Variants in ICA1 observed in about 807,000 individuals in gnomAD.
The protein encoded by ICA1 is islet cell autoantigen 1.
ICA1 carries 40 observed loss-of-function variants against 71.0 expected under a neutral mutation model. That is an observed-to-expected ratio of 0.56 (90% CI 0.44 to 0.73). ICA1 has a LOEUF of 0.73. ICA1 is among the 30% of genes least tolerant of loss of function. The pLI is 0.00. For missense variants in ICA1, 578 were observed against 576.5 expected (o/e 1.00, Z -0.03); for synonymous variants, 207 against 209.5 (o/e 0.99, Z 0.10).
intron 6 of ICA1, among the ~76,000 whole-genome samples, chr7:8,185,492 T>C (rs1331923883): frequency 6.6e-6 from 1 of 152,110 alleles, no homozygotes; most frequent in Admixed American, 6.5e-5. Context: ...ACCTGGGAGC[T>C]TGATAGAAAT....
chr7:8,206,014 C>A (rs964933357), intron 6 of ICA1, among the ~76,000 whole-genome samples: 3 of 152,152 alleles, frequency 2.0e-5, no homozygotes, highest in Non-Finnish European at 2.9e-5. Context: ...TCCCCCTCCC[C>A]CTTCGTTCTT....
intron 12 of ICA1, among the ~76,000 whole-genome samples, chr7:8,137,745 A>G (rs532549193): frequency 1.1e-4 from 16 of 152,380 alleles, no homozygotes; most frequent in African/African-American, 3.4e-4. Context: ...GGGAAAGCAG[A>G]TATCTGTCCT....
intron 10 of ICA1, among the ~76,000 whole-genome samples, chr7:8,139,551 G>A (rs370205396): frequency 3.2e-4 from 49 of 152,284 alleles, no homozygotes; most frequent in Middle Eastern, 3.4e-3. Flanking sequence ...GGACACAGGG[G>A]TTTCAGGGCA....
chr7:8,242,367 A>C (rs908782696), intron 1 of ICA1, among the ~76,000 whole-genome samples: 5 of 152,156 alleles, frequency 3.3e-5, no homozygotes, highest in Admixed American at 6.5e-5. Context: ...TTGAAACCAA[A>C]GAGAACAAAG....
chr7:8,162,452 C>T (rs1804216471), intron 6 of ICA1, among the ~76,000 whole-genome samples: 1 of 152,178 alleles, frequency 6.6e-6, no homozygotes, highest in African/African-American at 2.4e-5. Context: ...ATTTTGTGCT[C>T]CATGTCTGCT....
intron 6 of ICA1, among the ~76,000 whole-genome samples, chr7:8,217,406 G>A (rs1795733889): frequency 6.6e-6 from 1 of 152,176 alleles, no homozygotes; most frequent in African/African-American, 2.4e-5. Context: ...TCCAACGCAA[G>A]TGATGGTTCT....
intron 6 of ICA1, among the ~76,000 whole-genome samples, chr7:8,211,556 T>G (rs1034932715): frequency 8.5e-5 from 13 of 152,094 alleles, no homozygotes; most frequent in Admixed American, 6.6e-4. Context: ...GTTTACATAG[T>G]GAGCTCTGGA....
chr7:8,140,724 T>C (rs1394711308), intron 10 of ICA1, among the ~76,000 whole-genome samples: 2 of 152,206 alleles, frequency 1.3e-5, no homozygotes, highest in Non-Finnish European at 2.9e-5. Flanking sequence ...CGTGAAGGTG[T>C]ACATGTGTGA....
At chr7:8,206,233 G>C (rs4236407) in intron 6 of ICA1, among the ~76,000 whole-genome samples, 149,407 of 152,262 alleles carry the variant, frequency 0.98, 73,303 homozygotes, top group Middle Eastern at 1. Flanking sequence ...CTGCTATTTG[G>C]TGGATTTCCC....
chr7:8,221,172 C>A lies in ICA1; in HGVS notation c.380+103G>T. 3.4e-6 allele frequency: 5 copies of A among 1,464,122 alleles called. No homozygotes were observed. The Admixed American group carries it at 8.8e-5, about 26-fold the overall frequency. 90.7% of individuals were successfully genotyped at this position (1,464,122 alleles called of 1,614,324 possible). ...TACAGAGCAGCTCCTCAGCCTCAGG[C>A]AAAATCCTTCTAAAGAACACTGTGA... On this transcript the variant is annotated intron_variant, in intron 5 of 13. Transcript: ENST00000402384.
At chr7:8,248,694 C>G (rs963002592) in intron 1 of ICA1, among the ~76,000 whole-genome samples, 6 of 152,102 alleles carry the variant, frequency 3.9e-5, no homozygotes, top group African/African-American at 1.4e-4. Flanking sequence ...CCAGCCTGGG[C>G]AGCAGAGTAA....
chr7:8,165,747 A>C (rs181198326), intron 6 of ICA1, among the ~76,000 whole-genome samples: 2 of 152,350 alleles, frequency 1.3e-5, no homozygotes, highest in East Asian at 3.9e-4. Flanking sequence ...CTGAAAGCCA[A>C]ATCAAGAATG....
chr7:8,117,295 G>T lies in ICA1; in HGVS notation c.1331-3251C>A, dbSNP rs184389088. On this transcript the variant is annotated intron_variant, in intron 13 of 13. Coordinates refer to ENST00000402384, the MANE Select transcript of ICA1 (RefSeq NM_001136020.3). Reference sequence around the variant, plus strand: ...GCAGTGTGAAAACGGCCTAATACACGTTGTATAACCCAAGCACATGTTCTA... The same window carrying T: ...GCAGTGTGAAAACGGCCTAATACACTTTGTATAACCCAAGCACATGTTCTA... Among the ~76,000 whole-genome samples the T allele has an allele frequency of 6.6e-5, 10 of 152,176 alleles. No individual in the cohort carries two copies. In the East Asian group the frequency reaches 1.5e-3, roughly 24 times the overall value.
intron 6 of ICA1, among the ~76,000 whole-genome samples, chr7:8,195,587 A>AACAAAG: frequency 1.3e-5 from 2 of 151,852 alleles, no homozygotes; most frequent in East Asian, 3.9e-4. Flanking sequence ...CAAAAACAAA[A>AACAAAG]TGGTATCGCC....
At chr7:8,153,861 A>ATATATATAT (rs1554295054) in intron 8 of ICA1, among the ~76,000 whole-genome samples, 2 of 148,436 alleles carry the variant, frequency 1.3e-5, no homozygotes, top group South Asian at 4.2e-4. Flanking sequence ...ATATATATGT[A>ATATATATAT]GTAACATTTC....
At chr7:8,209,411 G>T (rs771248021) in intron 6 of ICA1, among the ~76,000 whole-genome samples, 76 of 152,122 alleles carry the variant, frequency 5.0e-4, no homozygotes, top group Non-Finnish European at 1.1e-3. Context: ...AGTATAGATG[G>T]TATCTTCTAG....
At chr7:8,252,875 T>C (rs1375884323) in intron 1 of ICA1, among the ~76,000 whole-genome samples, 2 of 152,260 alleles carry the variant, frequency 1.3e-5, no homozygotes, top group East Asian at 3.9e-4. Context: ...AGCTGTTTCT[T>C]TTTAGTTTTT....
chr7:8,121,883 G>A (rs1040321201), intron 13 of ICA1, among the ~76,000 whole-genome samples: 3 of 152,056 alleles, frequency 2.0e-5, no homozygotes, highest in Non-Finnish European at 2.9e-5. Flanking sequence ...AAATACATAC[G>A]TCTACTAGTC....
chr7:8,119,126 C>G lies in ICA1; in HGVS notation c.1331-5082G>C, dbSNP rs149452594. ...TCCTAAGAATCAGAGGGGCCCACTTCAGGACCCCACACTCCCAGGCAGCTG... is the reference window on the plus strand; with the variant it reads ...TCCTAAGAATCAGAGGGGCCCACTTGAGGACCCCACACTCCCAGGCAGCTG... On this transcript the variant is annotated intron_variant, in intron 13 of 13. Coordinates refer to ENST00000402384, the MANE Select transcript of ICA1 (RefSeq NM_001136020.3). 2.2e-3 allele frequency among the ~76,000 whole-genome samples: 337 copies of G among 152,294 alleles called. 1 individual carries two copies. The highest frequency in any genetic ancestry group is 7.8e-3 in the African/African-American group (324 of 41,552).
Sources: gnomAD v4.1 joint callset for allele counts (sites outside exome capture counted in the v4.1 genomes callset) on GRCh38, gnomAD v4.1.1 for gene constraint, MANE v1.5 for transcripts, NCBI Gene and HGNC (gene_info 2026-07-23, HGNC 2026-07-21) for gene names.